Variants in NPSR1 observed in about 807,000 individuals in gnomAD.
The protein encoded by NPSR1 is neuropeptide S receptor 1, also known as neuropeptide S receptor.
NPSR1 carries 48 observed loss-of-function variants against 46.9 expected under a neutral mutation model. That is an observed-to-expected ratio of 1.02 (90% CI 0.81 to 1.30). NPSR1 has a LOEUF of 1.30. Ranked by LOEUF, NPSR1 falls within the 50% of genes most tolerant of loss-of-function variation. NPSR1 has a pLI of 0.00. For synonymous variants in NPSR1, 176 were observed against 168.1 expected (o/e 1.05, Z -0.36); for missense variants, 450 against 449.5 (o/e 1.00, Z -0.01).
At chr7:34,706,719 C>T (rs1416141201) in intron 2 of NPSR1, among the ~76,000 whole-genome samples, 4 of 151,946 alleles carry the variant, frequency 2.6e-5, no homozygotes, top group African/African-American at 7.3e-5. Context: ...GCAAAATATG[C>T]GCTAAAATTT....
In NPSR1 at chr7:34,673,064, G is replaced by A. The variant is rs1792136379; in HGVS notation, c.148-11488G>A. Among the ~76,000 whole-genome samples the A allele has an allele frequency of 2.0e-5, 3 of 152,172 alleles. No individual in the cohort carries two copies. In the East Asian group the frequency reaches 5.8e-4, roughly 29 times the overall value. On this transcript the variant is annotated intron_variant, in intron 1 of 8. Coordinates refer to ENST00000360581, the MANE Select transcript of NPSR1 (RefSeq NM_207172.2). ...GCCAGGCACCCTACTTCTTAGCTTG[G>A]CTACTTCTACTCATTGTTTCAGACT...
downstream of NPSR1, among the ~76,000 whole-genome samples, chr7:34,853,833 C>T (rs1388122165): frequency 1.7e-4 from 26 of 151,840 alleles, no homozygotes; most frequent in Admixed American, 1.0e-3. Context: ...GGTATGGTGG[C>T]GGGCCGCCTG....
rs1455228429 is a variant in NPSR1 at position 34,662,471 on chromosome 7, T to G, written c.147+3912T>G. ...CCTTCCTGCCCTGGCCCCAGGACAG[T>G]GTCAGGGATGTCCTTCCTGGAATCC... On this transcript the variant is annotated intron_variant, in intron 1 of 8. Coordinates refer to ENST00000360581, the MANE Select transcript of NPSR1 (RefSeq NM_207172.2). Among the ~76,000 whole-genome samples, 3 of 152,288 alleles carry G rather than the reference T, an allele frequency of 2.0e-5. No homozygotes were observed. The East Asian group carries it at 5.8e-4, about 29-fold the overall frequency.
chr7:34,859,620 G>A (rs1304225539), intron 8 of NPSR1, among the ~76,000 whole-genome samples: 1 of 151,722 alleles, frequency 6.6e-6, no homozygotes, highest in East Asian at 1.9e-4. Context: ...CTGGGGCAAA[G>A]AGTGTAACTC....
intron 2 of NPSR1, among the ~76,000 whole-genome samples, chr7:34,727,768 T>G (rs1373583215): frequency 6.6e-6 from 1 of 152,194 alleles, no homozygotes; most frequent in Non-Finnish European, 1.5e-5. Context: ...CTGAGAGCAG[T>G]CTATTAAATA....
chr7:34,854,462 A>G (rs1791008924), downstream of NPSR1, among the ~76,000 whole-genome samples: 1 of 152,232 alleles, frequency 6.6e-6, no homozygotes, highest in South Asian at 2.1e-4. Context: ...AAATCAAAGA[A>G]TGGATCAAGG....
intron 2 of NPSR1, among the ~76,000 whole-genome samples, chr7:34,713,000 C>G (rs1384752532): frequency 2.6e-5 from 4 of 152,182 alleles, no homozygotes; most frequent in African/African-American, 9.7e-5. Flanking sequence ...TCTACATTAT[C>G]TAGGAGATCC....
intron 1 of NPSR1, among the ~76,000 whole-genome samples, chr7:34,677,712 TAGAGA>T (rs1475028687): frequency 6.6e-6 from 1 of 152,172 alleles, no homozygotes; most frequent in Non-Finnish European, 1.5e-5. Flanking sequence ...GGGAGGTCAG[TAGAGA>T]AGAGACCAGC....
intron 3 of NPSR1, among the ~76,000 whole-genome samples, chr7:34,798,572 C>G (rs753162265): frequency 4.9e-4 from 75 of 152,200 alleles, no homozygotes; most frequent in Middle Eastern, 6.8e-3. Context: ...AAGAGAAATA[C>G]AATTTAACTG....
intron 3 of NPSR1, among the ~76,000 whole-genome samples, chr7:34,803,828 T>C (rs1302004043): frequency 1.3e-5 from 2 of 151,414 alleles, no homozygotes; most frequent in African/African-American, 4.9e-5. Context: ...CACTACTGAT[T>C]CTGTGGACAT....
chr7:34,846,292 C>T lies in NPSR1; in HGVS notation c.844+1310C>T, dbSNP rs192614770. On this transcript the variant is annotated intron_variant, in intron 7 of 8. Transcript: ENST00000360581. ...ACTCCAAGGCCCTGTGGGATCCCTT[C>T]AGTCAGCAAGCAGGAACACCCTCTA... Among the ~76,000 whole-genome samples, 88 of 152,216 alleles carry T rather than the reference C, an allele frequency of 5.8e-4. 1 individual carries two copies. Among genetic ancestry groups the T allele is most frequent in the Non-Finnish European group, 2.9e-5 (2 of 68,012 alleles).
intron 3 of NPSR1, among the ~76,000 whole-genome samples, chr7:34,788,454 G>A (rs1429986879): frequency 1.3e-5 from 2 of 151,992 alleles, no homozygotes; most frequent in South Asian, 4.2e-4. Context: ...ATAACTGAAA[G>A]TAAAAATGGA....
At position 34,811,788 on chromosome 7, in the gene NPSR1, T is replaced by G; in HGVS notation, c.403T>G (p.Ser135Ala). ...TCTTTAGGTTGTGCTGCTCTACGCCTCTACCTACGTCCTGGTGTCCCTCAG... is the reference window on the plus strand; with the variant it reads ...TCTTTAGGTTGTGCTGCTCTACGCCGCTACCTACGTCCTGGTGTCCCTCAG... ...RYLQVVLLYASTYVLVSLSID... is the reference protein window; with the variant it reads ...RYLQVVLLYAATYVLVSLSID... Residue 135 changes from serine to alanine, a missense_variant, in exon 4 of 9, where the codon TCT becomes GCT. Ser to Ala is a moderately conservative substitution (Grantham distance 99). Transcript: ENST00000360581. 1 of 1,612,880 alleles carries G rather than the reference T, an allele frequency of 6.2e-7. No homozygotes were observed. Among genetic ancestry groups the G allele is most frequent in the Non-Finnish European group, 8.5e-7 (1 of 1,179,334 alleles).
chr7:34,767,224 A>G (rs1468635184), intron 2 of NPSR1, among the ~76,000 whole-genome samples: 1 of 152,194 alleles, frequency 6.6e-6, no homozygotes, highest in Non-Finnish European at 1.5e-5. Context: ...CATTATACTG[A>G]TATTGACCAG....
At chr7:34,834,591 C>A (rs1790281602) in intron 6 of NPSR1, 131 bp downstream of exon 6, 3 of 693,346 alleles carry the variant, frequency 4.3e-6, no homozygotes, top group South Asian at 1.7e-5. Flanking sequence ...AGCCGGCAGA[C>A]CAGACCCACC....
chr7:34,862,181 G>GGA lies in NPSR1; in HGVS notation c.1025+13521_1025+13522dup, dbSNP rs1791204938. On this transcript the variant is annotated intron_variant, in intron 8 of 8. Transcript: ENST00000359791. ...ATCATTGACTTCCTGTCTGCCAAAA[G>GGA]GAGATAGGCAGGAGACTGGAAGCAA... Among the ~76,000 whole-genome samples the GGA allele has an allele frequency of 2.6e-5, 4 of 151,870 alleles. No individual in the cohort carries two copies. The South Asian group carries it at 8.3e-4, about 31-fold the overall frequency.
At chr7:34,849,366 C>G (rs990590510) in intron 8 of NPSR1, 199 bp from the exon 9 acceptor site, 2 of 1,551,886 alleles carry the variant, frequency 1.3e-6, no homozygotes, top group African/African-American at 2.7e-5. Flanking sequence ...TGTCTCTGTC[C>G]TCTGGGCTCT....
intron 1 of NPSR1, among the ~76,000 whole-genome samples, chr7:34,663,061 C>CTCTCTCTCTA: frequency 1.1e-5 from 1 of 94,046 alleles, no homozygotes; most frequent in Non-Finnish European, 2.0e-5. Context: ...CTCTCTCTCT[C>CTCTCTCTCTA]TCTCTCTGTG....
At chr7:34,706,190 A>G (rs1463699799) in intron 2 of NPSR1, among the ~76,000 whole-genome samples, 2 of 146,610 alleles carry the variant, frequency 1.4e-5, no homozygotes, top group Admixed American at 1.4e-4. Flanking sequence ...TTTTTTTTAG[A>G]TTTCATGCTT....
Sources: allele counts gnomAD v4.1 joint callset (sites outside exome capture counted in the v4.1 genomes callset), GRCh38; gene constraint gnomAD v4.1.1; transcripts MANE v1.5; gene names NCBI Gene and HGNC (gene_info 2026-07-23, HGNC 2026-07-21).